The following PDE6C variants were observed in gnomAD, a reference collection of about 807,000 sequenced individuals.
The protein encoded by PDE6C is phosphodiesterase 6C.
A neutral mutation model predicts 113.1 loss-of-function variants in PDE6C; 75 were observed. The observed-to-expected ratio is 0.66, with a 90% confidence interval of 0.55 to 0.80. PDE6C has a LOEUF of 0.80. Among genes scored for constraint, PDE6C ranks in the 30% least tolerant of loss-of-function variants. PDE6C has a pLI of 0.00. For missense variants in PDE6C, 912 were observed against 1,038.6 expected, an observed-to-expected ratio of 0.88 and a Z score of 1.67; for synonymous variants, 375 against 363.7, an observed-to-expected ratio of 1.03 and a Z score of -0.35.
rs1311063636 is a variant in PDE6C at position 93,660,559 on chromosome 10, G to T, written c.2208+1392G>T. Among the ~76,000 whole-genome samples, 3 of 152,068 alleles carry T rather than the reference G, an allele frequency of 2.0e-5. No homozygotes were observed. The East Asian group carries it at 5.8e-4, about 29-fold the overall frequency. ...TTTATGACCTACTTCAGGGGAGAAG[G>T]TCGGGGGAAGGTGAGACTGATCTTC... On this transcript the variant is annotated intron_variant, in intron 18 of 21. Transcript: ENST00000371447.
intron 1 of PDE6C, among the ~76,000 whole-genome samples, chr10:93,617,230 C>T (rs2058424287): frequency 6.6e-6 from 1 of 152,106 alleles, no homozygotes; most frequent in African/African-American, 2.4e-5. Flanking sequence ...AGGATTTATG[C>T]AAAGAAACTT....
At chr10:93,633,490 A>AAAAAAAAAT (rs71485913) in intron 8 of PDE6C, among the ~76,000 whole-genome samples, 4 of 129,344 alleles carry the variant, frequency 3.1e-5, no homozygotes, top group Non-Finnish European at 3.3e-5. Flanking sequence ...ATAAAAAAAA[A>AAAAAAAAAT]TAAACAAGCT....
rs7084398 is a variant in PDE6C at position 93,634,209 on chromosome 10, G to A, written c.1120-549G>A. Among the ~76,000 whole-genome samples the A allele has an allele frequency of 2.1e-3, 313 of 152,206 alleles. 1 individual carries two copies. The highest frequency in any genetic ancestry group is 7.3e-3 in the African/African-American group (304 of 41,536). On this transcript the variant is annotated intron_variant, in intron 8 of 21. Transcript: ENST00000371447. ...GGCTAATTTTTGTATTTTTAGTAGAGATGGGGTTTCACCATGTTGACCAGG... is the reference window on the plus strand; with the variant it reads ...GGCTAATTTTTGTATTTTTAGTAGAAATGGGGTTTCACCATGTTGACCAGG...
At chr10:93,632,794 C>T (rs751001668) in intron 8 of PDE6C, among the ~76,000 whole-genome samples, 9 of 152,286 alleles carry the variant, frequency 5.9e-5, no homozygotes, top group East Asian at 1.9e-4. Context: ...CATCAGGAGA[C>T]GGATGTTGAG....
chr10:93,625,335 C>T (rs575787738), intron 4 of PDE6C, among the ~76,000 whole-genome samples: 2 of 152,306 alleles, frequency 1.3e-5, no homozygotes, highest in South Asian at 2.1e-4. Context: ...ATTTAATCCT[C>T]ACAACAATTC....
intron 7 of PDE6C, among the ~76,000 whole-genome samples, chr10:93,627,782 G>C (rs1258468116): frequency 1.3e-5 from 2 of 152,150 alleles, no homozygotes; most frequent in Non-Finnish European, 2.9e-5. Flanking sequence ...ATTCAAGTTA[G>C]ATCATGAAAT....
At chr10:93,628,787 T>C (rs918776049) in intron 7 of PDE6C, among the ~76,000 whole-genome samples, 33 of 152,324 alleles carry the variant, frequency 2.2e-4, no homozygotes, top group Middle Eastern at 3.4e-3. Flanking sequence ...TATCTCTCAC[T>C]GAATCCTTAC....
intron 21 of PDE6C, 121 bp downstream of exon 21, chr10:93,663,299 T>C: frequency 1.0e-6 from 1 of 985,888 alleles, no homozygotes; most frequent in East Asian, 2.6e-5. Context: ...TGGTGCAGAC[T>C]GATCATTTTA....
rs2058520637 is a variant in PDE6C at position 93,634,916 on chromosome 10, A to G, written c.1269+9A>G. On this transcript the variant is annotated intron_variant, in intron 9 of 21. Transcript: ENST00000371447. ...ATGAATACATTACCGAGGCAAGTGC[A>G]ATAATAAGATAATGGAAGTCAATGC... The G allele has an allele frequency of 6.2e-7, 1 of 1,613,834 alleles. No homozygotes were observed. Among genetic ancestry groups the G allele is most frequent in the Non-Finnish European group, 8.5e-7 (1 of 1,179,760 alleles).
rs1385955277 is a variant in PDE6C, at chr10:93,612,918, C to G, written c.193C>G (p.Leu65Val). 3 of 1,613,912 alleles carry G rather than the reference C, an allele frequency of 1.9e-6. No homozygotes were observed. Among genetic ancestry groups the G allele is most frequent in the African/African-American group, 2.7e-5 (2 of 74,914 alleles). The change falls in exon 1 of 22, where the codon CTG becomes GTG. Residue 65 changes from leucine (L) to valine (V), a missense_variant. Physicochemically the swap from Leu to Val is conservative, Grantham distance 32 (BLOSUM62 1). Transcript: ENST00000371447. ...GGAGGAGTCAGCCCTGTGCTTGGAG[C>G]TGCTGTGGACCGTGCAGGAGGAGGG... The part of the protein sequence containing the change: ...QVEESALCLE[L>V]LWTVQEEGGT...
At chr10:93,618,311 A>G (rs1204295679) in intron 1 of PDE6C, among the ~76,000 whole-genome samples, 1 of 152,120 alleles carries the variant, frequency 6.6e-6, no homozygotes, top group Non-Finnish European at 1.5e-5. Context: ...TGCTCAGCCT[A>G]TACTATGTTA....
intron 4 of PDE6C, among the ~76,000 whole-genome samples, chr10:93,624,702 C>T (rs2058463907): frequency 6.6e-6 from 1 of 152,142 alleles, no homozygotes; most frequent in Non-Finnish European, 1.5e-5. Context: ...CTATAAGAAA[C>T]ATCAGACACA....
chr10:93,614,206 G>T (rs2058408798), intron 1 of PDE6C, among the ~76,000 whole-genome samples: 1 of 152,172 alleles, frequency 6.6e-6, no homozygotes. Flanking sequence ...TGCTTTCTGT[G>T]CAGGGGTGTA....
chr10:93,629,486 A>C (rs2058489478), intron 8 of PDE6C, among the ~76,000 whole-genome samples, 181 bp downstream of exon 8: 1 of 152,194 alleles, frequency 6.6e-6, no homozygotes, highest in South Asian at 2.1e-4. Flanking sequence ...TGAAGGAAGA[A>C]AAGAAGGTTA....
At chr10:93,646,842 G>A (rs907178441) in intron 15 of PDE6C, among the ~76,000 whole-genome samples, 4 of 152,162 alleles carry the variant, frequency 2.6e-5, no homozygotes, top group African/African-American at 9.7e-5. Flanking sequence ...GGGTTTGGGT[G>A]GAGACACAGA....
intron 1 of PDE6C, among the ~76,000 whole-genome samples, chr10:93,619,942 G>A (rs1376465712): frequency 6.6e-6 from 1 of 152,158 alleles, no homozygotes; most frequent in Admixed American, 6.5e-5. Flanking sequence ...GTGGAGTAGT[G>A]TGCACAAATC....
At chr10:93,662,496 A>T in intron 19 of PDE6C, 64 bp from the exon 20 acceptor site, 1 of 796,214 alleles carries the variant, frequency 1.3e-6, no homozygotes, top group East Asian at 2.5e-5. Context: ...TTATCAGGAC[A>T]AATCAGTCTG....
intron 16 of PDE6C, among the ~76,000 whole-genome samples, chr10:93,658,169 C>CAAAAAAAAAAAAAAAA (rs71031527): frequency 6.7e-5 from 4 of 59,884 alleles, no homozygotes; most frequent in African/African-American, 1.3e-4. Context: ...GATTCTGTCT[C>CAAAAAAAAAAAAAAAA]AAAAAAAAAA....
Position 93,655,610 on chromosome 10 carries a change from C to A in PDE6C, c.1936-150C>A, listed in dbSNP as rs1462239306. The A allele has an allele frequency of 2.0e-3, 654 of 331,570 alleles. 1 individual carries two copies. The highest frequency in any genetic ancestry group is 2.8e-3 in the Middle Eastern group (3 of 1,060). The allele number at this position is 331,570 out of a possible 1,614,324, so 20.5% of individuals were successfully genotyped here. The stretch of plus-strand genomic sequence containing the variant: ...CATGAGATAAAAACTAAAAGCAAGC[C>A]AAAAAAAAAAAAAAAAAAGGAAGGA... On this transcript the variant is annotated intron_variant, in intron 15 of 21. Transcript: ENST00000371447.
Sources: gnomAD v4.1 joint callset for allele counts (sites outside exome capture counted in the v4.1 genomes callset) on GRCh38, gnomAD v4.1.1 for gene constraint, MANE v1.5 for transcripts, NCBI Gene and HGNC (gene_info 2026-07-23, HGNC 2026-07-21) for gene names.